SMOC2: variants seen among roughly 807,000 people sequenced by gnomAD.
SMOC2 encodes SPARC-related modular calcium-binding protein 2.
In SMOC2, 39 loss-of-function variants were observed where a neutral mutation model predicts 61.4. The ratio of observed to expected loss-of-function variants is 0.64; its 90% CI spans 0.49 to 0.83. The LOEUF (loss-of-function observed/expected upper bound fraction) is 0.83. SMOC2 is among the 40% of genes least tolerant of loss of function. The pLI is 0.00. For synonymous variants in SMOC2, 247 were observed against 239.9 expected (o/e 1.03, Z -0.27); for missense variants, 556 against 592.9 (o/e 0.94, Z 0.65).
At chr6:168,563,263 G>A (rs1784462915) in intron 7 of SMOC2, among the ~76,000 whole-genome samples, 3 of 151,628 alleles carry the variant, frequency 2.0e-5, no homozygotes, top group African/African-American at 4.9e-5. Flanking sequence ...ACACAATATC[G>A]ATGTATGTAT....
At chr6:168,473,131 G>C (rs1340900248) in intron 1 of SMOC2, among the ~76,000 whole-genome samples, 1 of 152,200 alleles carries the variant, frequency 6.6e-6, no homozygotes, top group African/African-American at 2.4e-5. Context: ...ACTACAGTTT[G>C]GATGCTGCCC....
chr6:168,603,166 G>A (rs796343316), intron 8 of SMOC2, among the ~76,000 whole-genome samples: 15 of 151,066 alleles, frequency 9.9e-5, no homozygotes, highest in African/African-American at 3.2e-4. Context: ...GGGTGCCTGC[G>A]TCTCCTTTGC....
At chr6:168,510,656 C>T (rs1360361516) in intron 2 of SMOC2, among the ~76,000 whole-genome samples, 1 of 152,126 alleles carries the variant, frequency 6.6e-6, no homozygotes, top group African/African-American at 2.4e-5. Context: ...ACCACAAAGA[C>T]TAAAGATGCC....
chr6:168,652,953 G>A lies in SMOC2; in HGVS notation c.1011-1G>A. On this transcript the variant is annotated splice_acceptor_variant, in intron 10 of 12. Transcript: ENST00000356284. LOFTEE classifies it high-confidence loss of function. Reference sequence around the variant, plus strand: ...CCTGACGGCATCTGTGTTCCTTCCAGGCTCTCAGAACCCGACCCCAGCCAT... The same window carrying A: ...CCTGACGGCATCTGTGTTCCTTCCAAGCTCTCAGAACCCGACCCCAGCCAT... 6.2e-7 allele frequency: 1 copy of A among 1,612,674 alleles called. No individual in the cohort carries two copies. Among genetic ancestry groups the A allele is most frequent in the Non-Finnish European group, 8.5e-7 (1 of 1,179,494 alleles).
At chr6:168,457,996 C>G (rs899966290) in intron 1 of SMOC2, among the ~76,000 whole-genome samples, 1 of 152,140 alleles carries the variant, frequency 6.6e-6, no homozygotes, top group African/African-American at 2.4e-5. Context: ...TCCTGAAGAT[C>G]CTGCTGCGAG....
At chr6:168,492,945 T>G (rs1473332810) in intron 1 of SMOC2, among the ~76,000 whole-genome samples, 1 of 152,242 alleles carries the variant, frequency 6.6e-6, no homozygotes, top group Non-Finnish European at 1.5e-5. Context: ...TGACTTTCCT[T>G]GAGCTCTCCA....
intron 2 of SMOC2, among the ~76,000 whole-genome samples, chr6:168,518,406 T>C (rs1389831543): frequency 2.3e-5 from 2 of 87,874 alleles, no homozygotes; most frequent in Non-Finnish European, 7.0e-5. Context: ...TGTATGCTTG[T>C]GTGTGAATGT....
Position 168,526,413 on chromosome 6 carries a change from G to A in SMOC2, c.324G>A (p.Val108=). ...QEQARKEFQQ[V]FIPECNDDGT... ...AAGCCCGGAAGGAGTTTCAGCAAGT[G>A]TTCATTCCTGAGTGCAATGACGACG... is the stretch of plus-strand genomic sequence containing the variant. Residue 108 remains valine, a synonymous_variant, in exon 3 of 13, where the codon GTG becomes GTA. Transcript: ENST00000356284. 6.2e-7 allele frequency: 1 copy of A among 1,614,228 alleles called. No homozygotes were observed. Among genetic ancestry groups the A allele is most frequent in the Non-Finnish European group, 8.5e-7 (1 of 1,180,056 alleles).
intron 7 of SMOC2, among the ~76,000 whole-genome samples, chr6:168,580,608 C>G (rs1164166331): frequency 6.6e-6 from 1 of 152,198 alleles, no homozygotes; most frequent in East Asian, 1.9e-4. Context: ...GTGGCACAAT[C>G]ACGACTCACT....
intron 8 of SMOC2, among the ~76,000 whole-genome samples, chr6:168,601,118 T>C (rs1295878855): frequency 6.6e-6 from 1 of 152,250 alleles, no homozygotes; most frequent in Non-Finnish European, 1.5e-5. Context: ...CCTAAACTGT[T>C]TTCCAAATTT....
chr6:168,457,620 C>T (rs757416232), intron 1 of SMOC2, among the ~76,000 whole-genome samples: 9 of 152,170 alleles, frequency 5.9e-5, no homozygotes, highest in Non-Finnish European at 7.3e-5. Context: ...TGATCACTGC[C>T]GGGGTGGGAG....
intron 4 of SMOC2, among the ~76,000 whole-genome samples, chr6:168,532,013 T>A (rs995236142): frequency 2.0e-5 from 3 of 152,206 alleles, no homozygotes; most frequent in Non-Finnish European, 2.9e-5. Flanking sequence ...AAGCCGGCTC[T>A]CGGAGACGTA....
intron 7 of SMOC2, among the ~76,000 whole-genome samples, chr6:168,587,677 G>A (rs1222495850): frequency 6.6e-6 from 1 of 152,222 alleles, no homozygotes; most frequent in Non-Finnish European, 1.5e-5. Context: ...CAGGTGAGCT[G>A]CTGAGGGATG....
At chr6:168,496,092 C>T (rs7771799) in intron 1 of SMOC2, among the ~76,000 whole-genome samples, 33,934 of 152,186 alleles carry the variant, frequency 0.22, 6,337 homozygotes, top group African/African-American at 0.49. Flanking sequence ...TGTTTCTATT[C>T]TCTCTGTAAT....
intron 2 of SMOC2, among the ~76,000 whole-genome samples, chr6:168,520,059 A>C (rs1783293172): frequency 1.3e-5 from 2 of 152,264 alleles, no homozygotes; most frequent in South Asian, 2.1e-4. Flanking sequence ...GGTTGAGGGA[A>C]GGTTGGACGG....
At chr6:168,618,675 C>T (rs1313349228) in intron 9 of SMOC2, among the ~76,000 whole-genome samples, 6 of 152,060 alleles carry the variant, frequency 3.9e-5, no homozygotes, top group Admixed American at 1.3e-4. Context: ...CAGGGAATGA[C>T]GATGGAAGGG....
rs1013809495 is a variant in SMOC2, at chr6:168,553,372, T to A, written c.637+4169T>A. ...TTTTCATAGAAGATACATAAACTAG[T>A]TACAAGATTTTATCAGATAAGACAT... On this transcript the variant is annotated intron_variant, in intron 7 of 12. Transcript: ENST00000356284. The surrounding 1 kb of genome is among the most constrained non-coding windows in gnomAD (Gnocchi z 4.2). Among the ~76,000 whole-genome samples, 7 of 152,206 alleles carry A rather than the reference T, an allele frequency of 4.6e-5. No individual in the cohort carries two copies. Among genetic ancestry groups the A allele is most frequent in the African/African-American group, 1.7e-4 (7 of 41,452 alleles).
intron 9 of SMOC2, among the ~76,000 whole-genome samples, chr6:168,636,929 C>T (rs1413356646): frequency 8.2e-6 from 1 of 122,534 alleles, no homozygotes; most frequent in South Asian, 3.3e-4. Context: ...CCTCCTCCCC[C>T]CTCCCCACCT....
At chr6:168,560,313 G>T (rs1784371248) in intron 7 of SMOC2, among the ~76,000 whole-genome samples, 1 of 152,186 alleles carries the variant, frequency 6.6e-6, no homozygotes. Flanking sequence ...AAACGAAGAA[G>T]TCATTTCAAA....
Sources: allele counts gnomAD v4.1 joint callset (sites outside exome capture counted in the v4.1 genomes callset), GRCh38; gene constraint gnomAD v4.1.1; non-coding constraint Gnocchi (gnomAD v3.1); transcripts MANE v1.5; gene names NCBI Gene and HGNC (gene_info 2026-07-23, HGNC 2026-07-21).